The following NRXN1 variants were observed in gnomAD, a reference collection of about 807,000 sequenced individuals.
NRXN1 encodes neurexin-1.
A neutral mutation model predicts 150.9 loss-of-function variants in NRXN1; 39 were observed. The ratio of observed to expected loss-of-function variants is 0.26; its 90% CI spans 0.20 to 0.34. The LOEUF is 0.34. NRXN1 is among the 10% of genes least tolerant of loss of function. NRXN1 has a pLI of 1.00. For missense variants in NRXN1, 1,815 were observed against 1,949.9 expected, an observed-to-expected ratio of 0.93 and a Z score of 1.30; for synonymous variants, 924 against 757.0, an observed-to-expected ratio of 1.22 and a Z score of -3.62.
In NRXN1 at chr2:50,743,834, A is replaced by C. The variant is rs148061648; in HGVS notation, c.833-120219T>G. ...ACTGAATTTATTCAATAAAGAAAGA[A>C]TTTGATCACACATTTCTGAATAATT... On this transcript the variant is annotated intron_variant, in intron 5 of 22. Coordinates refer to ENST00000401669, the MANE Select transcript of NRXN1 (RefSeq NM_001330078.2). 1.2e-4 allele frequency among the ~76,000 whole-genome samples: 18 copies of C among 152,294 alleles called. No individual in the cohort carries two copies. The East Asian group carries it at 3.5e-3, about 29-fold the overall frequency.
At chr2:50,352,453 C>T (rs990588521) in intron 17 of NRXN1, among the ~76,000 whole-genome samples, 1 of 151,984 alleles carries the variant, frequency 6.6e-6, no homozygotes, top group African/African-American at 2.4e-5. Flanking sequence ...ACACTAAAAT[C>T]AGCAGAGGGG....
intron 5 of NRXN1, among the ~76,000 whole-genome samples, chr2:50,705,006 T>C (rs1694235769): frequency 6.6e-6 from 1 of 151,070 alleles, no homozygotes; most frequent in Non-Finnish European, 1.5e-5. Flanking sequence ...GCTTAATAAC[T>C]TACGAATAAA....
chr2:50,248,855 A>G (rs1559167828), intron 17 of NRXN1, among the ~76,000 whole-genome samples: 1 of 152,024 alleles, frequency 6.6e-6, no homozygotes, highest in African/African-American at 2.4e-5. Context: ...AGAAATTGGC[A>G]TACGTTTTGG....
At chr2:50,700,852 G>C (rs1025331057) in intron 5 of NRXN1, among the ~76,000 whole-genome samples, 1 of 150,180 alleles carries the variant, frequency 6.7e-6, no homozygotes, top group African/African-American at 2.5e-5. Context: ...ATTTTTAGTA[G>C]AGACGGGGTT....
intron 8 of NRXN1, among the ~76,000 whole-genome samples, chr2:50,567,485 T>C (rs1008211268): frequency 2.0e-5 from 3 of 152,260 alleles, no homozygotes; most frequent in African/African-American, 7.2e-5. Flanking sequence ...TTAAATCTCA[T>C]ATCACGACAA....
chr2:50,549,734 GA>G (rs1158785977), intron 9 of NRXN1, among the ~76,000 whole-genome samples: 1 of 152,122 alleles, frequency 6.6e-6, no homozygotes, highest in Non-Finnish European at 1.5e-5. Context: ...AGCTTAAACA[GA>G]AAAAGTAGAT....
intron 18 of NRXN1, among the ~76,000 whole-genome samples, chr2:50,125,929 G>A (rs1467258047): frequency 6.6e-6 from 1 of 152,038 alleles, no homozygotes; most frequent in Non-Finnish European, 1.5e-5. Context: ...TTGAGCAAAA[G>A]ATAGTTTTTG....
At chr2:50,358,741 G>C (rs2078991495) in intron 17 of NRXN1, among the ~76,000 whole-genome samples, 1 of 152,236 alleles carries the variant, frequency 6.6e-6, no homozygotes, top group Admixed American at 6.5e-5. Context: ...CTAAGGGACA[G>C]ACTGCCTTCT....
At chr2:50,748,679 G>A (rs773199061) in intron 5 of NRXN1, among the ~76,000 whole-genome samples, 1 of 151,954 alleles carries the variant, frequency 6.6e-6, no homozygotes, top group African/African-American at 2.4e-5. Context: ...CTTTTCACCC[G>A]GAATCGGCTA....
At chr2:50,200,576 G>A (rs189476798) in intron 18 of NRXN1, among the ~76,000 whole-genome samples, 56 of 152,182 alleles carry the variant, frequency 3.7e-4, no homozygotes, top group Admixed American at 3.7e-3. Context: ...AACTAAACAG[G>A]CTCTCATTGG....
At chr2:50,652,401 C>G (rs966035783) in intron 5 of NRXN1, among the ~76,000 whole-genome samples, 3 of 152,006 alleles carry the variant, frequency 2.0e-5, no homozygotes, top group Non-Finnish European at 4.4e-5. Context: ...CTCTTCCCAC[C>G]CCCAGGCCAA....
chr2:50,862,112 G>T lies in NRXN1; in HGVS notation c.832+59757C>A, dbSNP rs535791409. ...AGCTACATGGGAGGCTGAGGCAGGA[G>T]AATTGTTTGAACCAGGGAGGCAGAG... On this transcript the variant is annotated intron_variant, in intron 5 of 22. Coordinates refer to ENST00000401669, the MANE Select transcript of NRXN1 (RefSeq NM_001330078.2). 5.4e-4 allele frequency among the ~76,000 whole-genome samples: 82 copies of T among 150,882 alleles called. 1 individual carries two copies. The highest frequency in any genetic ancestry group is 1.8e-3 in the African/African-American group (76 of 41,118).
At chr2:50,517,577 C>T (rs1052893618) in intron 12 of NRXN1, among the ~76,000 whole-genome samples, 31 of 152,034 alleles carry the variant, frequency 2.0e-4, no homozygotes, top group Non-Finnish European at 4.0e-4. Flanking sequence ...TTTGGTAACC[C>T]CTACAGTTGG....
chr2:50,182,276 A>C (rs1213633789), intron 18 of NRXN1, among the ~76,000 whole-genome samples: 1 of 151,978 alleles, frequency 6.6e-6, no homozygotes, highest in African/African-American at 2.4e-5. Context: ...CTATTTCTAT[A>C]AGGTACATTT....
In NRXN1 at chr2:50,240,585, A is replaced by G. The variant is rs564894652; in HGVS notation, c.3365-3615T>C. ...CCTCCTTTAACACACATCTTTCTGA[A>G]CCAAGGACATGATGTACTTACTGAA... On this transcript the variant is annotated intron_variant, in intron 17 of 22. Coordinates refer to ENST00000401669, the MANE Select transcript of NRXN1 (RefSeq NM_001330078.2). Among the ~76,000 whole-genome samples, 4 of 151,794 alleles carry G rather than the reference A, an allele frequency of 2.6e-5. No homozygotes were observed. The East Asian group carries it at 7.8e-4, about 29-fold the overall frequency.
intron 21 of NRXN1, among the ~76,000 whole-genome samples, chr2:49,980,459 TG>T (rs1679813332): frequency 2.6e-5 from 4 of 152,044 alleles, no homozygotes; most frequent in Admixed American, 6.6e-5. Flanking sequence ...AAAGGAAAGT[TG>T]GTAGGAGTAG....
intron 18 of NRXN1, among the ~76,000 whole-genome samples, chr2:50,115,862 ATATTC>A (rs1702990594): frequency 6.6e-6 from 1 of 152,122 alleles, no homozygotes; most frequent in African/African-American, 2.4e-5. Context: ...ATGTATGTTT[ATATTC>A]AATTTATAAG....
chr2:50,738,697 T>G (rs575225248), intron 5 of NRXN1, among the ~76,000 whole-genome samples: 1 of 152,262 alleles, frequency 6.6e-6, no homozygotes, highest in African/African-American at 2.4e-5. Flanking sequence ...AATGTTTCAA[T>G]AACCACATAT....
At chr2:50,661,720 CT>C (rs752073647) in intron 5 of NRXN1, among the ~76,000 whole-genome samples, 2 of 152,056 alleles carry the variant, frequency 1.3e-5, no homozygotes, top group Non-Finnish European at 2.9e-5. Context: ...AATAACTTTA[CT>C]TTTTCATGTC....
Sources: allele counts gnomAD v4.1 joint callset (sites outside exome capture counted in the v4.1 genomes callset), GRCh38; gene constraint gnomAD v4.1.1; transcripts MANE v1.5; gene names NCBI Gene and HGNC (gene_info 2026-07-23, HGNC 2026-07-21).